Variants in LILRA5 observed in about 807,000 individuals in gnomAD.
LILRA5 encodes the protein leukocyte immunoglobulin like receptor A5, also known as leukocyte immunoglobulin-like receptor subfamily A member 5.
A neutral mutation model predicts 36.3 loss-of-function variants in LILRA5; 31 were observed. The ratio of observed to expected loss-of-function variants is 0.85; its 90% confidence interval spans 0.64 to 1.15. LILRA5 has a LOEUF of 1.15. LILRA5 is among the 50% of genes most tolerant of loss of function. The pLI is 0.00. For synonymous variants in LILRA5, 144 were observed against 144.8 expected, an observed-to-expected ratio of 0.99 and a Z score of 0.04; for missense variants, 348 against 377.4, an observed-to-expected ratio of 0.92 and a Z score of 0.64.
chr19:54,311,829 G>A (rs374470539), intron 4 of LILRA5, 35 bp downstream of exon 4: 1 of 1,613,916 alleles, frequency 6.2e-7, no homozygotes, highest in Non-Finnish European at 8.5e-7. Flanking sequence ...CCTGAGGGCA[G>A]AGCCTGGAGC....
At chr19:54,308,330 TGTGTGTATATATATGTATATATAA>T in intron 5 of LILRA5, 1 of 42,090 alleles carries the variant, frequency 2.4e-5, no homozygotes, top group South Asian at 7.4e-4. Flanking sequence ...TGTGTGTGTG[TGTGTGTATATATATGTATATATAA>T]ATATATATAT....
rs1324319513 is a variant in LILRA5, at chr19:54,311,544, C to T, written c.582G>A (p.Gln194=). The change falls in exon 5 of 7, where the codon CAG becomes CAA. Residue 194 remains glutamine (Q), a synonymous_variant. Coordinates refer to ENST00000432233, the MANE Select transcript of LILRA5 (RefSeq NM_021250.4). ...GGCCCACAGGGAACAGGGCCTGGAA[C>T]TGCCCACTGGGGGTCAGCTGTGAGT... is the stretch of plus-strand genomic sequence containing the variant. The part of the protein sequence containing the change: ...TLDSQLTPSG[Q]FQALFPVGPV... 1.9e-6 allele frequency: 3 copies of T among 1,614,206 alleles called. No homozygotes were observed. Among genetic ancestry groups the T allele is most frequent in the Middle Eastern group, 1.6e-4 (1 of 6,062 alleles).
At chr19:54,312,491 T>TCCCTCCCAGACTAGGGTGCCCCACC (rs2081044046) in intron 2 of LILRA5, 46 bp downstream of exon 2, 1 of 1,613,244 alleles carries the variant, frequency 6.2e-7, no homozygotes, top group Admixed American at 1.7e-5. Flanking sequence ...TGGGGTGGGG[T>TCCCTCCCAGACTAGGGTGCCCCACC]CCCTCCCAGA....
chr19:54,310,165 T>C (rs1224915140), intron 5 of LILRA5: 1 of 171,456 alleles, frequency 5.8e-6, no homozygotes. Flanking sequence ...AAGTGAGAGC[T>C]GCCAAGGGAG....
At chr19:54,310,934 C>A in intron 5 of LILRA5, 1 of 233,920 alleles carries the variant, frequency 4.3e-6, no homozygotes, top group Non-Finnish European at 8.7e-6. Context: ...CTTCTGGAGT[C>A]TCCCTTGCTC....
Position 54,312,586 on chromosome 19 carries a change from T to G in LILRA5, c.39A>C (p.Pro13=). 2 of 1,614,160 alleles carry G rather than the reference T, an allele frequency of 1.2e-6. No homozygotes were observed. The highest frequency in any genetic ancestry group is 1.7e-6 in the Non-Finnish European group (2 of 1,180,016). Reference sequence around the variant, plus strand: ...CAGGGCTCACGGCGTCTCCTCCCACTGGCTGCAGCTGTGCAGATGGATGAG... The same window carrying G: ...CAGGGCTCACGGCGTCTCCTCCCACGGGCTGCAGCTGTGCAGATGGATGAG... ...PWSHPSAQLQ[P]VGGDAVSPAL... The change falls in exon 2 of 7, where the codon CCA becomes CCC. Residue 13 remains proline, a synonymous_variant. Transcript: ENST00000432233.
chr19:54,313,015 A>C lies in LILRA5; in HGVS notation c.3+2T>G. The C allele has an allele frequency of 6.2e-7, 1 of 1,613,850 alleles. No homozygotes were observed. Among genetic ancestry groups the C allele is most frequent in the Non-Finnish European group, 8.5e-7 (1 of 1,179,974 alleles). On this transcript the variant is annotated splice_donor_variant, in intron 1 of 6. Coordinates refer to ENST00000432233, the MANE Select transcript of LILRA5 (RefSeq NM_021250.4). LOFTEE classifies it high-confidence loss of function. ...ATGAGCTCAGCGTTGCGGGGTCCTT[A>C]CCATGGTCAGTGATTTTTCAGCCCT...
Position 54,307,242 on chromosome 19 carries a change from CAAAAAAAAA to C in LILRA5, c.*162_*170del, listed in dbSNP as rs10573769. On this transcript the variant is annotated 3_prime_UTR_variant, in exon 7 of 7. Transcript: ENST00000432233. The stretch of plus-strand genomic sequence containing the variant: ...CTGGTGACAGAGCAAGACTCCATCT[CAAAAAAAAA>C]AAAAAAAAAAAAAAAGAAAGAAAAG... 14 of 115,730 alleles carry C rather than the reference CAAAAAAAAA, an allele frequency of 1.2e-4. No homozygotes were observed. Among genetic ancestry groups the C allele is most frequent in the East Asian group, 4.1e-4 (2 of 4,868 alleles). 7.2% of individuals were successfully genotyped at this position (115,730 alleles called of 1,614,324 possible).
In LILRA5 at chr19:54,307,411, G is replaced by C. The variant is rs746464144; in HGVS notation, c.*2C>G. 46 of 1,606,758 alleles carry C rather than the reference G, an allele frequency of 2.9e-5. No homozygotes were observed. Among genetic ancestry groups the C allele is most frequent in the Non-Finnish European group, 3.8e-5 (45 of 1,176,240 alleles). ...TCAATGGTGCATTGTTCTCTCTTCT[G>C]TTCACCTTCCAGCTGCAGCTTGGGG... On this transcript the variant is annotated 3_prime_UTR_variant, in exon 7 of 7. Transcript: ENST00000432233.
At position 54,308,354 on chromosome 19, in the gene LILRA5, AAT is replaced by A. The variant is rs60172604; in HGVS notation, c.713-608_713-607del. The stretch of plus-strand genomic sequence containing the variant: ...GTGTGTGTATATATATGTATATATA[AAT>A]ATATATATATATATATATATATATA... On this transcript the variant is annotated intron_variant, in intron 5 of 6. Transcript: ENST00000432233. 106 of 18,458 alleles carry A rather than the reference AAT, an allele frequency of 5.7e-3. 1 individual carries two copies. The highest frequency in any genetic ancestry group is 8.7e-3 in the South Asian group (4 of 462). The allele number at this position is 18,458 out of a possible 1,614,324, so 1.1% of individuals were successfully genotyped here.
chr19:54,308,354 AATATATATAT>A (rs60172604), intron 5 of LILRA5: 227 of 18,360 alleles, frequency 0.012, no homozygotes, highest in African/African-American at 0.016. Flanking sequence ...TGTATATATA[AATATATATAT>A]ATATATATAT....
intron 5 of LILRA5, 50 bp downstream of exon 5, chr19:54,311,364 A>G: frequency 1.2e-6 from 2 of 1,613,840 alleles, no homozygotes; most frequent in Non-Finnish European, 1.7e-6. Flanking sequence ...GCTCTCCACA[A>G]CCTGTCTGGC....
chr19:54,308,858 G>A (rs545614688), intron 5 of LILRA5: 2 of 152,040 alleles, frequency 1.3e-5, no homozygotes, highest in Non-Finnish European at 2.9e-5. Flanking sequence ...AATATATGCA[G>A]ATATACCTAC....
At chr19:54,312,436 A>T in intron 2 of LILRA5, 66 bp from the exon 3 acceptor site, 1 of 1,614,034 alleles carries the variant, frequency 6.2e-7, no homozygotes, top group Non-Finnish European at 8.5e-7. Context: ...CTGCCTGGGA[A>T]CCTCCTAAAA....
rs1473490791 is a variant in LILRA5, at chr19:54,312,017, G to T, written c.256C>A (p.Pro86Thr). ...YRLVKEGSPE[P>T]WDTQNPLEPK... is the part of the protein sequence containing the mutation. ...TCCAGTGGGTTCTGTGTGTCCCAGG[G>T]TTCTGGGCTTCCCTCTTTAACCAGA... Residue 86 changes from proline (P) to threonine (T), a missense_variant, in exon 4 of 7, where the codon CCC (proline) becomes ACC (threonine). Pro to Thr is a conservative substitution (Grantham distance 38). Transcript: ENST00000432233. 1.2e-6 allele frequency: 2 copies of T among 1,614,070 alleles called. No homozygotes were observed. Among genetic ancestry groups the T allele is most frequent in the African/African-American group, 1.3e-5 (1 of 74,916 alleles).
In LILRA5 at chr19:54,312,368, G is replaced by T; in HGVS notation, c.91C>A (p.Leu31Met). ...ACGTGGGTCCTGGGGCCCAGACTCA[G>T]CCCTGGAAGAGAGTTCCCTGTGAGA... ...PALMVLLCLG[L>M]SLGPRTHVQA... Residue 31 changes from leucine (L) to methionine (M), a missense_variant and splice_region_variant, in exon 3 of 7, where the codon CTG becomes ATG. Leu to Met is a conservative substitution (Grantham distance 15). Coordinates refer to ENST00000432233, the MANE Select transcript of LILRA5 (RefSeq NM_021250.4). 3.7e-6 allele frequency: 6 copies of T among 1,614,224 alleles called. No individual in the cohort carries two copies. Among genetic ancestry groups the T allele is most frequent in the Non-Finnish European group, 5.1e-6 (6 of 1,180,030 alleles).
chr19:54,308,258 T>C (rs1425413628), intron 5 of LILRA5: 1 of 164,520 alleles, frequency 6.1e-6, no homozygotes, highest in Non-Finnish European at 1.3e-5. Context: ...ACAATAAGTC[T>C]CTAGTCAGCT....
At chr19:54,312,486 T>TGGGGTCCCTCC in intron 2 of LILRA5, 51 bp downstream of exon 2, 1 of 1,613,572 alleles carries the variant, frequency 6.2e-7, no homozygotes, top group South Asian at 1.1e-5. Context: ...CGTTATGGGG[T>TGGGGTCCCTCC]GGGGTCCCTC....
chr19:54,308,581 GC>G (rs2080947202), intron 5 of LILRA5: 1 of 151,312 alleles, frequency 6.6e-6, no homozygotes, highest in East Asian at 1.9e-4. Flanking sequence ...AAAAAAATGA[GC>G]CGGGCATGGT....
Sources: allele counts gnomAD v4.1 joint callset, GRCh38; gene constraint gnomAD v4.1.1; transcripts MANE v1.5; gene names NCBI Gene and HGNC (gene_info 2026-07-23, HGNC 2026-07-21).